Variants in RCN1 observed in about 807,000 individuals in gnomAD.
RCN1 encodes reticulocalbin-1.
A neutral mutation model predicts 34.7 loss-of-function variants in RCN1; 14 were observed. The ratio of observed to expected loss-of-function variants is 0.40; its 90% CI spans 0.27 to 0.63. RCN1 has a LOEUF of 0.63. RCN1 is among the 30% of genes least tolerant of loss of function. The pLI, the probability that RCN1 is intolerant of heterozygous loss-of-function variation, is 0.37. For missense variants in RCN1, 326 were observed against 425.1 expected (o/e 0.77, Z 2.05); for synonymous variants, 125 against 165.5 (o/e 0.76, Z 1.88).
rs754498680 is a variant in RCN1, at chr11:32,097,135, G to A, written c.255-9G>A. 4.3e-5 allele frequency: 42 copies of A among 984,914 alleles called. No homozygotes were observed. The highest frequency in any genetic ancestry group is 9.2e-5 in the African/African-American group (4 of 43,580). The allele number at this position is 984,914 out of a possible 1,614,324, so 61.0% of individuals were successfully genotyped here. ...TGTGGGTTTCTTTTTTTTTTTTTTTGTACTGCAGGAAGATTGTTGATCGAA... is the reference window on the plus strand; with the variant it reads ...TGTGGGTTTCTTTTTTTTTTTTTTTATACTGCAGGAAGATTGTTGATCGAA... On this transcript the variant is annotated splice_polypyrimidine_tract_variant and intron_variant, in intron 1 of 5. Coordinates refer to ENST00000054950, the MANE Select transcript of RCN1 (RefSeq NM_002901.4).
At chr11:32,104,282 A>G in intron 5 of RCN1, 83 bp from the exon 6 acceptor site, 1 of 806,174 alleles carries the variant, frequency 1.2e-6, no homozygotes. Context: ...AATGTTGTAC[A>G]TCAGTGAAAT....
At chr11:32,098,198 C>T (rs1851994356) in intron 2 of RCN1, 152 bp from the exon 3 acceptor site, 3 of 608,588 alleles carry the variant, frequency 4.9e-6, no homozygotes, top group Middle Eastern at 4.6e-4. Flanking sequence ...ATATTAGAGG[C>T]ATTCTGACAT....
At chr11:32,097,557 A>T (rs772099785) in intron 2 of RCN1, among the ~76,000 whole-genome samples, 5 of 152,010 alleles carry the variant, frequency 3.3e-5, no homozygotes, top group Non-Finnish European at 5.9e-5. Context: ...GAGGGCTAAT[A>T]AAAAAAATCC....
intron 3 of RCN1, 158 bp from the exon 4 acceptor site, chr11:32,100,387 GTTT>G (rs1235158429): frequency 2.7e-5 from 17 of 628,402 alleles, no homozygotes; most frequent in Middle Eastern, 2.6e-4. Context: ...ACTATTGCCT[GTTT>G]TTTACAGATA....
chr11:32,100,673 C>T, intron 4 of RCN1, 65 bp downstream of exon 4: 2 of 1,315,936 alleles, frequency 1.5e-6, no homozygotes, highest in Non-Finnish European at 2.2e-6. Context: ...ACCCACACGT[C>T]TGGCTACTTT....
chr11:32,091,221 C>G lies in RCN1; in HGVS notation c.25C>G (p.Arg9Gly), dbSNP rs1219922608. The G allele has an allele frequency of 1.4e-6, 2 of 1,456,718 alleles. No individual in the cohort carries two copies. The highest frequency in any genetic ancestry group is 6.1e-5 in the Admixed American group (2 of 32,692). The allele number at this position is 1,456,718 out of a possible 1,614,324, so 90.2% of individuals were successfully genotyped here. The change falls in exon 1 of 6, where the codon CGC becomes GGC. Residue 9 changes from arginine to glycine, a missense_variant. Physicochemically the swap from Arg to Gly is moderately radical, Grantham distance 125. Transcript: ENST00000054950. MARGGRGR[R>G]LGLALGLLLA... is the part of the protein sequence containing the mutation. Reference sequence around the variant, plus strand: ...GATGGCGCGCGGTGGCCGCGGCCGCCGCCTGGGGTTAGCCCTGGGGCTGCT... The same window carrying G: ...GATGGCGCGCGGTGGCCGCGGCCGCGGCCTGGGGTTAGCCCTGGGGCTGCT...
At chr11:32,096,952 C>T (rs530207479) in intron 1 of RCN1, 192 bp from the exon 2 acceptor site, 4 of 535,720 alleles carry the variant, frequency 7.5e-6, no homozygotes, top group East Asian at 3.1e-5. Flanking sequence ...GGGGAAAGCA[C>T]ATCAACCTTG....
intron 3 of RCN1, among the ~76,000 whole-genome samples, chr11:32,099,643 C>T (rs528811362): frequency 1.2e-4 from 18 of 152,278 alleles, no homozygotes; most frequent in African/African-American, 4.1e-4. Context: ...AATGCCATCA[C>T]CTGTTTTCCT....
At chr11:32,094,462 C>T (rs536710527) in intron 1 of RCN1, among the ~76,000 whole-genome samples, 2 of 152,184 alleles carry the variant, frequency 1.3e-5, no homozygotes, top group Non-Finnish European at 2.9e-5. Flanking sequence ...TCGGCCAGCC[C>T]TATTTGGCGG....
In RCN1 at chr11:32,091,111, C is replaced by T. The variant is rs1385365137; in HGVS notation, c.-86C>T. 3.7e-6 allele frequency: 5 copies of T among 1,353,580 alleles called. No individual in the cohort carries two copies. The African/African-American group carries it at 6.2e-5, about 17-fold the overall frequency. The allele number at this position is 1,353,580 out of a possible 1,614,324, so 83.8% of individuals were successfully genotyped here. On this transcript the variant is annotated 5_prime_UTR_variant, in exon 1 of 6. Coordinates refer to ENST00000054950, the MANE Select transcript of RCN1 (RefSeq NM_002901.4). ...CGCGCCGGCCCCAACCCTGTCGCTG[C>T]CGCCGCGCTCCGAGTCCCCATTCCC...
rs1167661495 is a variant in RCN1, at chr11:32,091,407, A to G, written c.211A>G (p.Thr71Ala). ...EAFLGKEDSK[T>A]FDQLTPDESK... ...CTTCCTGGGCAAGGAGGACTCCAAG[A>G]CCTTCGACCAGCTCACCCCGGACGA... is the stretch of plus-strand genomic sequence containing the variant. Residue 71 changes from threonine (T) to alanine (A), a missense_variant, in exon 1 of 6, where the codon ACC becomes GCC. Physicochemically the swap from Thr to Ala is moderately conservative, Grantham distance 58. Transcript: ENST00000054950. The G allele has an allele frequency of 4.5e-6, 7 of 1,548,700 alleles. No homozygotes were observed. Among genetic ancestry groups the G allele is most frequent in the Non-Finnish European group, 6.1e-6 (7 of 1,146,048 alleles).
intron 4 of RCN1, chr11:32,102,906 T>A (rs571425353): frequency 1.6e-5 from 7 of 431,444 alleles, no homozygotes; most frequent in African/African-American, 1.4e-4. Flanking sequence ...TTTTCGCTTA[T>A]GTAGTGCCAG....
At chr11:32,099,453 TGTAAA>T (rs1161334185) in intron 3 of RCN1, among the ~76,000 whole-genome samples, 6 of 152,018 alleles carry the variant, frequency 3.9e-5, no homozygotes, top group African/African-American at 9.7e-5. Context: ...TGTATGGAAA[TGTAAA>T]GTAAAAATTA....
At position 32,097,302 on chromosome 11, in the gene RCN1, A is replaced by G; in HGVS notation, c.413A>G (p.Glu138Gly). ...GACAAGGATGATAAAATTTCCTGGG[A>G]AGAATACAAACAAGCCACCTATGGT... ...DRDKDDKISW[E>G]EYKQATYGYY... Residue 138 changes from glutamate to glycine, a missense_variant, in exon 2 of 6, where the codon GAA becomes GGA. By Grantham distance (98) the Glu-to-Gly change is moderately conservative. Coordinates refer to ENST00000054950, the MANE Select transcript of RCN1 (RefSeq NM_002901.4). The G allele has an allele frequency of 2.5e-6, 4 of 1,586,804 alleles. No homozygotes were observed. The highest frequency in any genetic ancestry group is 3.4e-6 in the Non-Finnish European group (4 of 1,171,412).
intron 4 of RCN1, among the ~76,000 whole-genome samples, chr11:32,101,813 TCTTACTGTGGC>T (rs1852046970): frequency 6.6e-6 from 1 of 152,172 alleles, no homozygotes; most frequent in African/African-American, 2.4e-5. Context: ...GGCGCAGACC[TCTTACTGTGGC>T]ACTGGGGATG....
In RCN1 at chr11:32,101,534, G is replaced by A. The variant is rs223063; in HGVS notation, c.688+926G>A. On this transcript the variant is annotated intron_variant, in intron 4 of 5. Coordinates refer to ENST00000054950, the MANE Select transcript of RCN1 (RefSeq NM_002901.4). Reference sequence around the variant, plus strand: ...AGTTGCTGTCTCTGGTTTTGTGGTTGTATTACTTTGCCATCCCAGACACGA... The same window carrying A: ...AGTTGCTGTCTCTGGTTTTGTGGTTATATTACTTTGCCATCCCAGACACGA... Among the ~76,000 whole-genome samples, 1,175 of 152,324 alleles carry A rather than the reference G, an allele frequency of 7.7e-3. 11 individuals are homozygous for A. Among genetic ancestry groups the A allele is most frequent in the African/African-American group, 0.026 (1,076 of 41,562 alleles).
rs1852097133 is a variant in RCN1, at chr11:32,105,215, A to C, written c.*743A>C. On this transcript the variant is annotated 3_prime_UTR_variant, in exon 6 of 6. Coordinates refer to ENST00000054950, the MANE Select transcript of RCN1 (RefSeq NM_002901.4). ...ATAAACACTAAATATACTTGAGAAA[A>C]CTTTCTTAATATGCCAATGAGGTAG... The C allele has an allele frequency of 6.0e-6, 1 of 166,946 alleles. No homozygotes were observed. The highest frequency in any genetic ancestry group is 1.5e-5 in the Non-Finnish European group (1 of 68,132). The allele number at this position is 166,946 out of a possible 1,614,324, so 10.3% of individuals were successfully genotyped here.
rs746128992 is a variant in RCN1 at position 32,097,222 on chromosome 11, G to A, written c.333G>A (p.Val111=). The A allele has an allele frequency of 2.9e-5, 46 of 1,607,878 alleles. No homozygotes were observed. The highest frequency in any genetic ancestry group is 3.7e-5 in the Non-Finnish European group (44 of 1,178,090). The part of the protein sequence containing the change: ...TEELKTWIKR[V]QKRYIFDNVA... ...AGCTGAAAACCTGGATCAAACGGGTGCAGAAAAGATACATCTTTGATAATG... is the reference window on the plus strand; with the variant it reads ...AGCTGAAAACCTGGATCAAACGGGTACAGAAAAGATACATCTTTGATAATG... The change falls in exon 2 of 6, where the codon GTG becomes GTA. Residue 111 remains valine, a synonymous_variant. Coordinates refer to ENST00000054950, the MANE Select transcript of RCN1 (RefSeq NM_002901.4).
At position 32,091,458 on chromosome 11, in the gene RCN1, C is replaced by T. The variant is rs767646275; in HGVS notation, c.254+8C>T. 7.1e-6 allele frequency: 11 copies of T among 1,540,974 alleles called. No individual in the cohort carries two copies. The Admixed American group carries it at 1.8e-4, about 25-fold the overall frequency. On this transcript the variant is annotated splice_region_variant and intron_variant, in intron 1 of 5. Transcript: ENST00000054950. ...GAGCAAGGAGAGGCTAGGGTGAGGCCGCGGCCAGGGCCCCGTGGGGGGCGG... is the reference window on the plus strand; with the variant it reads ...GAGCAAGGAGAGGCTAGGGTGAGGCTGCGGCCAGGGCCCCGTGGGGGGCGG...
Sources: gnomAD v4.1 joint callset for allele counts (sites outside exome capture counted in the v4.1 genomes callset) on GRCh38, gnomAD v4.1.1 for gene constraint, MANE v1.5 for transcripts, NCBI Gene and HGNC (gene_info 2026-07-23, HGNC 2026-07-21) for gene names.